The following SORCS1 variants were observed in gnomAD, a reference collection of about 807,000 sequenced individuals.
The protein encoded by SORCS1 is VPS10 domain-containing receptor SorCS1.
A neutral mutation model predicts 146.1 loss-of-function variants in SORCS1; 60 were observed. The ratio of observed to expected loss-of-function variants is 0.41; its 90% confidence interval spans 0.33 to 0.51. SORCS1 has a LOEUF of 0.51. Among genes scored for constraint, SORCS1 ranks in the 20% least tolerant of loss-of-function variants. The pLI, the probability that SORCS1 is intolerant of heterozygous loss-of-function variation, is 0.21. For missense variants in SORCS1, 1,352 were observed against 1,487.6 expected (o/e 0.91, Z 1.50); for synonymous variants, 637 against 584.0 (o/e 1.09, Z -1.31).
At chr10:107,065,415 T>TTTC (rs1554937382) in intron 1 of SORCS1, among the ~76,000 whole-genome samples, 1 of 120,396 alleles carries the variant, frequency 8.3e-6, no homozygotes, top group Non-Finnish European at 1.6e-5. Context: ...TCTCTCTTTC[T>TTTC]TTTCTTTCTT....
At chr10:106,841,103 C>A (rs1325483342) in intron 2 of SORCS1, among the ~76,000 whole-genome samples, 1 of 151,914 alleles carries the variant, frequency 6.6e-6, no homozygotes, top group African/African-American at 2.4e-5. Flanking sequence ...ATCCGCCTGC[C>A]TCGGCCTCCA....
chr10:106,873,079 C>T (rs1313317048), intron 2 of SORCS1, among the ~76,000 whole-genome samples: 7 of 152,072 alleles, frequency 4.6e-5, no homozygotes, highest in African/African-American at 1.7e-4. Flanking sequence ...GAGGCTGAGG[C>T]AGGAGAATCA....
chr10:106,994,084 A>AG (rs1381084460), intron 1 of SORCS1, among the ~76,000 whole-genome samples: 24 of 148,992 alleles, frequency 1.6e-4, no homozygotes, highest in African/African-American at 5.9e-4. Context: ...AAAAAAAAAA[A>AG]AAAGAAAATG....
At chr10:106,868,659 C>A (rs1950304835) in intron 2 of SORCS1, among the ~76,000 whole-genome samples, 2 of 152,088 alleles carry the variant, frequency 1.3e-5, no homozygotes, top group African/African-American at 4.8e-5. Context: ...AACAAAGATA[C>A]AATATACCAG....
chr10:106,889,171 C>G (rs1226310918), intron 2 of SORCS1, among the ~76,000 whole-genome samples: 2 of 152,198 alleles, frequency 1.3e-5, no homozygotes, highest in Non-Finnish European at 2.9e-5. Flanking sequence ...GCATCCTCTT[C>G]TCTGGTTCCC....
intron 1 of SORCS1, among the ~76,000 whole-genome samples, chr10:107,061,931 T>G (rs9664158): frequency 0.035 from 5,277 of 152,270 alleles, 290 homozygotes; most frequent in African/African-American, 0.12. Context: ...AGCGGACATA[T>G]TGGTAGCTAA....
At chr10:106,874,402 C>G (rs943880677) in intron 2 of SORCS1, among the ~76,000 whole-genome samples, 1 of 152,164 alleles carries the variant, frequency 6.6e-6, no homozygotes. Flanking sequence ...GCTTATCACT[C>G]AAGAAACCAA....
At chr10:106,966,835 G>A (rs1196462802) in intron 1 of SORCS1, among the ~76,000 whole-genome samples, 1 of 152,068 alleles carries the variant, frequency 6.6e-6, no homozygotes, top group Admixed American at 6.6e-5. Flanking sequence ...TCACTCAAGG[G>A]AACTCATGGG....
chr10:107,173,444 T>G, the SORCS1 span, among the ~76,000 whole-genome samples: 1 of 152,168 alleles, frequency 6.6e-6, no homozygotes, highest in Admixed American at 6.6e-5. Flanking sequence ...GATGTTAATT[T>G]GCTTGACTTT....
chr10:106,736,560 A>G (rs1218689429), intron 5 of SORCS1, among the ~76,000 whole-genome samples: 3 of 141,512 alleles, frequency 2.1e-5, no homozygotes, highest in Non-Finnish European at 3.1e-5. Flanking sequence ...ACCTGCCACT[A>G]TAATTAGGCC....
At chr10:107,087,019 C>T (rs573883216) in intron 1 of SORCS1, among the ~76,000 whole-genome samples, 1 of 152,230 alleles carries the variant, frequency 6.6e-6, no homozygotes, top group Admixed American at 6.5e-5. Flanking sequence ...CAGAGCGTGA[C>T]TTCGTCTCAA....
intron 16 of SORCS1, among the ~76,000 whole-genome samples, chr10:106,670,458 T>C (rs923951434): frequency 6.6e-6 from 1 of 152,216 alleles, no homozygotes; most frequent in Non-Finnish European, 1.5e-5. Context: ...ATTGAATCCA[T>C]CCTTGCTCTG....
chr10:106,947,201 C>T (rs1223682059), intron 2 of SORCS1, among the ~76,000 whole-genome samples: 1 of 152,158 alleles, frequency 6.6e-6, no homozygotes, highest in Non-Finnish European at 1.5e-5. Flanking sequence ...TTATTGCTTG[C>T]ACGTGTATGA....
intron 3 of SORCS1, among the ~76,000 whole-genome samples, chr10:106,802,879 C>G (rs1427147099): frequency 6.6e-6 from 1 of 152,224 alleles, no homozygotes; most frequent in East Asian, 1.9e-4. Flanking sequence ...AGATGATCCT[C>G]CCGCCTTGGC....
chr10:106,780,667 T>C (rs1365452814), intron 3 of SORCS1, among the ~76,000 whole-genome samples: 1 of 152,210 alleles, frequency 6.6e-6, no homozygotes, highest in Admixed American at 6.5e-5. Context: ...GCTGTTCTAC[T>C]TGAGGCAAGG....
At chr10:106,968,246 G>A (rs1363876706) in intron 1 of SORCS1, among the ~76,000 whole-genome samples, 4 of 152,106 alleles carry the variant, frequency 2.6e-5, no homozygotes, top group Non-Finnish European at 5.9e-5. Flanking sequence ...TACTTAAGAG[G>A]GATACAACCC....
chr10:106,889,831 G>GCCAAGAT (rs1554875462), intron 2 of SORCS1, among the ~76,000 whole-genome samples: 1 of 147,584 alleles, frequency 6.8e-6, no homozygotes, highest in Non-Finnish European at 1.5e-5. Flanking sequence ...CTTGCAGTGA[G>GCCAAGAT]CCGAGATCGC....
chr10:107,148,597 T>C (rs1229982506), intron 1 of SORCS1, among the ~76,000 whole-genome samples: 1 of 152,232 alleles, frequency 6.6e-6, no homozygotes, highest in Non-Finnish European at 1.5e-5. Flanking sequence ...CAACAAAAGA[T>C]AAATTATGTC....
intron 1 of SORCS1, among the ~76,000 whole-genome samples, chr10:107,065,285 G>C (rs1200459159): frequency 6.6e-6 from 1 of 151,964 alleles, no homozygotes; most frequent in Non-Finnish European, 1.5e-5. Flanking sequence ...GCACACACTC[G>C]GTATCCCTAA....
Sources: allele counts gnomAD v4.1 joint callset (sites outside exome capture counted in the v4.1 genomes callset), GRCh38; gene constraint gnomAD v4.1.1; transcripts MANE v1.5; gene names NCBI Gene and HGNC (gene_info 2026-07-23, HGNC 2026-07-21).